ESYT2: variants seen among roughly 807,000 people sequenced by gnomAD.
ESYT2 encodes extended synaptotagmin-2.
Under a neutral mutation model 107.2 loss-of-function variants are expected in ESYT2, and 54 were observed. The ratio of observed to expected loss-of-function variants is 0.50; its 90% CI spans 0.40 to 0.63. The LOEUF (loss-of-function observed/expected upper bound fraction) is 0.63, where lower values mean the gene tolerates loss of function less well. Among genes scored for constraint, ESYT2 ranks in the 30% least tolerant of loss-of-function variants. The pLI, the probability that ESYT2 is intolerant of heterozygous loss-of-function variation, is 0.00. For missense variants in ESYT2, 1,020 were observed against 1,094.5 expected (o/e 0.93, Z 0.96); for synonymous variants, 491 against 434.1 (o/e 1.13, Z -1.63).
At chr7:158,746,648 A>C (rs1298016337) in intron 16 of ESYT2, among the ~76,000 whole-genome samples, 1 of 152,226 alleles carries the variant, frequency 6.6e-6, no homozygotes, top group Non-Finnish European at 1.5e-5. Context: ...GAATTTCTGG[A>C]AAGTTGCTAA....
chr7:158,797,337 C>T (rs1011639930), intron 3 of ESYT2, among the ~76,000 whole-genome samples: 1 of 151,878 alleles, frequency 6.6e-6, no homozygotes, highest in African/African-American at 2.4e-5. Context: ...TTTGTAGAGA[C>T]GGAGTCCCAC....
At chr7:158,756,914 T>TAAAAAAAAAAAA (rs201326042) in intron 13 of ESYT2, among the ~76,000 whole-genome samples, 1 of 98,802 alleles carries the variant, frequency 1.0e-5, no homozygotes, top group Non-Finnish European at 2.0e-5. Flanking sequence ...CATCTCAAAT[T>TAAAAAAAAAAAA]AAAAAAAAAA....
Position 158,737,014 on chromosome 7 carries a change from G to A in ESYT2, c.2399+34C>T, listed in dbSNP as rs772661672. On this transcript the variant is annotated intron_variant, in intron 20 of 22. Coordinates refer to ENST00000275418, the MANE Select transcript of ESYT2 (RefSeq NM_001367773.1). Reference sequence around the variant, plus strand: ...CCTTCTTAATCCGTCACTTCAACCGGGCAGTCTATCCTCAGCTGGATAAAA... The same window carrying A: ...CCTTCTTAATCCGTCACTTCAACCGAGCAGTCTATCCTCAGCTGGATAAAA... 9 of 1,609,412 alleles carry A rather than the reference G, an allele frequency of 5.6e-6. No individual in the cohort carries two copies. In the South Asian group the frequency reaches 9.9e-5, roughly 18 times the overall value.
chr7:158,810,441 A>G (rs369222120), intron 1 of ESYT2, among the ~76,000 whole-genome samples: 13 of 152,290 alleles, frequency 8.5e-5, no homozygotes, highest in Middle Eastern at 3.4e-3. Flanking sequence ...AGCACTGTGG[A>G]GGAAAGCTGA....
chr7:158,782,087 A>G (rs1173861967), intron 6 of ESYT2, among the ~76,000 whole-genome samples: 25 of 150,754 alleles, frequency 1.7e-4, no homozygotes, highest in Non-Finnish European at 3.5e-4. Context: ...GTAAGAACAA[A>G]TGTGAGTGAA....
At chr7:158,821,759 A>C (rs1235333669) in intron 1 of ESYT2, among the ~76,000 whole-genome samples, 1 of 152,186 alleles carries the variant, frequency 6.6e-6, no homozygotes, top group Non-Finnish European at 1.5e-5. Context: ...TTACAACCCT[A>C]TCAGAACTTC....
Position 158,788,330 on chromosome 7 carries a change from A to G in ESYT2, c.657+15T>C, listed in dbSNP as rs1326242621. 1 of 1,592,672 alleles carries G rather than the reference A, an allele frequency of 6.3e-7. No individual in the cohort carries two copies. On this transcript the variant is annotated intron_variant, in intron 5 of 22. Transcript: ENST00000275418. ...AGAAAACTGTCAAATTAAAACAAAAAAACAAAAAACTTACCTGGATACTTT... is the reference window on the plus strand; with the variant it reads ...AGAAAACTGTCAAATTAAAACAAAAGAACAAAAAACTTACCTGGATACTTT...
Position 158,735,578 on chromosome 7 carries a change from C to T in ESYT2, c.2430G>A (p.Val810=), listed in dbSNP as rs35914882. The T allele has an allele frequency of 1.2e-6, 2 of 1,612,778 alleles. No homozygotes were observed. The highest frequency in any genetic ancestry group is 1.7e-6 in the Non-Finnish European group (2 of 1,178,976). ...SFDFSVSLPE[V]QRRTLDVAVK... ...CGGCAACGTCGAGCGTTCTCCTCTG[C>T]ACTTCTGGTAACGAAACACTGAAAT... is the stretch of plus-strand genomic sequence containing the variant. The change falls in exon 21 of 23, where the codon GTG becomes GTA. Residue 810 remains valine (V), a synonymous_variant. Transcript: ENST00000275418.
chr7:158,746,601 A>C (rs375794463), intron 16 of ESYT2, among the ~76,000 whole-genome samples: 2 of 152,340 alleles, frequency 1.3e-5, no homozygotes, highest in East Asian at 3.9e-4. Flanking sequence ...ATGGAACAGA[A>C]GGAATTCCAG....
intron 1 of ESYT2, among the ~76,000 whole-genome samples, chr7:158,814,937 A>C (rs1563039106): frequency 6.6e-6 from 1 of 152,072 alleles, no homozygotes; most frequent in African/African-American, 2.4e-5. Context: ...TACTGCCATC[A>C]AGAGAGAGGA....
intron 1 of ESYT2, among the ~76,000 whole-genome samples, chr7:158,823,918 TTATA>T (rs1840364176): frequency 6.6e-6 from 1 of 152,202 alleles, no homozygotes; most frequent in East Asian, 1.9e-4. Context: ...TATAAACTAT[TTATA>T]TTTCAGTCCT....
At chr7:158,759,649 T>C (rs1837892250) in intron 12 of ESYT2, 68 bp from the exon 13 acceptor site, 3 of 1,253,878 alleles carry the variant, frequency 2.4e-6, no homozygotes, top group Non-Finnish European at 3.4e-6. Context: ...TCTATCTGAT[T>C]GTATCATGTT....
chr7:158,763,136 T>C lies in ESYT2; in HGVS notation c.1131A>G (p.Glu377=), dbSNP rs1033531413. The C allele has an allele frequency of 1.7e-5, 27 of 1,613,110 alleles. No individual in the cohort carries two copies. The highest frequency in any genetic ancestry group is 2.2e-5 in the Non-Finnish European group (26 of 1,179,530). The change falls in exon 10 of 23, where the codon GAA becomes GAG. Residue 377 remains glutamate, a synonymous_variant. Coordinates refer to ENST00000275418, the MANE Select transcript of ESYT2 (RefSeq NM_001367773.1). ...CTTCATCAAAGAGCTCAATCTCTAA[T>C]TCTTGTCCAGGATGTTCATACACTA... is the stretch of plus-strand genomic sequence containing the variant. ...EALVYEHPGQ[E]LEIELFDEDP...
At chr7:158,814,375 ACT>A (rs1840092375) in intron 1 of ESYT2, among the ~76,000 whole-genome samples, 2 of 141,856 alleles carry the variant, frequency 1.4e-5, no homozygotes, top group Non-Finnish European at 3.0e-5. Context: ...CGTCCAGATG[ACT>A]CTCACAGATC....
intron 14 of ESYT2, among the ~76,000 whole-genome samples, chr7:158,751,477 T>G (rs751830840): frequency 3.3e-5 from 5 of 152,204 alleles, no homozygotes; most frequent in Admixed American, 3.3e-4. Context: ...CAGATTGTCT[T>G]GAACTTAAAC....
intron 1 of ESYT2, among the ~76,000 whole-genome samples, chr7:158,811,110 T>C (rs1839983017): frequency 6.6e-6 from 1 of 151,832 alleles, no homozygotes; most frequent in African/African-American, 2.4e-5. Context: ...CGGTGAGCCA[T>C]GATTGCACCA....
At chr7:158,750,181 A>G (rs1837535766) in intron 14 of ESYT2, among the ~76,000 whole-genome samples, 2 of 152,142 alleles carry the variant, frequency 1.3e-5, no homozygotes, top group African/African-American at 2.4e-5. Context: ...TTCTCAACTT[A>G]GCGTCTTCTG....
intron 4 of ESYT2, among the ~76,000 whole-genome samples, chr7:158,791,661 C>G (rs1446135214): frequency 6.6e-6 from 1 of 152,180 alleles, no homozygotes; most frequent in Non-Finnish European, 1.5e-5. Context: ...TTGCATTTTC[C>G]TAATGGTTAG....
intron 16 of ESYT2, 49 bp from the exon 17 acceptor site, chr7:158,743,727 A>G (rs1837298528): frequency 6.4e-7 from 1 of 1,573,468 alleles, no homozygotes; most frequent in Non-Finnish European, 8.6e-7. Context: ...TCATGTCTGC[A>G]GAACCTTTCT....
Sources: gnomAD v4.1 joint callset for allele counts (sites outside exome capture counted in the v4.1 genomes callset) on GRCh38, gnomAD v4.1.1 for gene constraint, MANE v1.5 for transcripts, NCBI Gene and HGNC (gene_info 2026-07-23, HGNC 2026-07-21) for gene names.